STRADA: variants seen among roughly 807,000 people sequenced by gnomAD.
STRADA encodes the protein STE20 related adaptor alpha, also known as STE20-related kinase adapter protein alpha.
Under a neutral mutation model 55.0 loss-of-function variants are expected in STRADA, and 26 were observed. The ratio of observed to expected loss-of-function variants is 0.47; its 90% CI spans 0.35 to 0.66. The LOEUF (loss-of-function observed/expected upper bound fraction) is 0.66, where lower values mean the gene tolerates loss of function less well. Among genes scored for constraint, STRADA ranks in the 30% least tolerant of loss-of-function variants. STRADA has a pLI of 0.01. For missense variants in STRADA, 443 were observed against 549.7 expected (o/e 0.81, Z 1.94); for synonymous variants, 197 against 210.9 (o/e 0.93, Z 0.57).
At chr17:63,720,968 T>C (rs2144051521) in intron 4 of STRADA, among the ~76,000 whole-genome samples, 1 of 151,088 alleles carries the variant, frequency 6.6e-6, no homozygotes, top group East Asian at 2.0e-4. Flanking sequence ...TGGTGGCACA[T>C]GTCTGTAATC....
At position 63,726,453 on chromosome 17, in the gene STRADA, G is replaced by A. The variant is rs1254348018; in HGVS notation, c.94+185C>T. The A allele has an allele frequency of 5.4e-6, 3 of 553,006 alleles. No homozygotes were observed. In the East Asian group the frequency reaches 9.2e-5, roughly 17 times the overall value. 34.3% of individuals were successfully genotyped at this position (553,006 alleles called of 1,614,324 possible). Reference sequence around the variant, plus strand: ...TTTCTAACAATCAAGACAGGCCAAGGAAAATTGCCATGTTAGTCTTCAAAT... The same window carrying A: ...TTTCTAACAATCAAGACAGGCCAAGAAAAATTGCCATGTTAGTCTTCAAAT... On this transcript the variant is annotated intron_variant, in intron 3 of 12. Coordinates refer to ENST00000336174, the MANE Select transcript of STRADA (RefSeq NM_001003787.4).
At chr17:63,717,338 C>T (rs1773702803) in intron 4 of STRADA, among the ~76,000 whole-genome samples, 1 of 152,188 alleles carries the variant, frequency 6.6e-6, no homozygotes, top group Non-Finnish European at 1.5e-5. Context: ...GACGGAGTCT[C>T]ACTTTGTCAC....
intron 11 of STRADA, 64 bp downstream of exon 11, chr17:63,704,277 C>CTGGCCTTACCCTCCTG: frequency 6.3e-7 from 1 of 1,596,428 alleles, no homozygotes; most frequent in South Asian, 1.1e-5. Flanking sequence ...CCTTCACACC[C>CTGGCCTTACCCTCCTG]TGGCCTTACC....
At chr17:63,740,589 G>A (rs896984669) in intron 1 of STRADA, among the ~76,000 whole-genome samples, 2 of 152,082 alleles carry the variant, frequency 1.3e-5, no homozygotes, top group Admixed American at 6.6e-5. Context: ...TACGTGTCAG[G>A]CACTGTGCTA....
intron 10 of STRADA, chr17:63,705,241 G>A (rs769719819): frequency 5.0e-6 from 2 of 403,216 alleles, no homozygotes; most frequent in East Asian, 4.3e-5. Context: ...TGGCTATTTC[G>A]ATTTAAATGA....
chr17:63,741,103 CAGG>C (rs2038908416), intron 1 of STRADA: 1 of 145,128 alleles, frequency 6.9e-6, no homozygotes, highest in South Asian at 2.5e-4. Context: ...TGTTAGGATA[CAGG>C]AGAAGGCTGG....
In STRADA at chr17:63,713,996, CT is replaced by C. The variant is rs760418544; in HGVS notation, c.226+9del. ...GAAAGCAGGAGAGTAAGGACGGCCC[CT>C]GCACATACCTATCACAGTGAGCAGC... On this transcript the variant is annotated intron_variant, in intron 5 of 12. Coordinates refer to ENST00000336174, the MANE Select transcript of STRADA (RefSeq NM_001003787.4). 1 of 1,611,866 alleles carries C rather than the reference CT, an allele frequency of 6.2e-7. No homozygotes were observed. The highest frequency in any genetic ancestry group is 8.5e-7 in the Non-Finnish European group (1 of 1,178,044).
intron 6 of STRADA, 28 bp downstream of exon 6, chr17:63,713,378 T>A: frequency 6.2e-7 from 1 of 1,608,962 alleles, no homozygotes; most frequent in South Asian, 1.1e-5. Context: ...CCACCCTCCC[T>A]CCATGTGACA....
rs766039153 is a variant in STRADA at position 63,704,388 on chromosome 17, G to A, written c.1053C>T (p.His351=). Residue 351 remains histidine (H), a synonymous_variant, in exon 11 of 13, where the codon CAC becomes CAT. Coordinates refer to ENST00000336174, the MANE Select transcript of STRADA (RefSeq NM_001003787.4). ...GGCACTGCTCCACAAAGTGGTGGAA[G>A]TGGGGGGAGAAGGTTCGGTGGTAGG... The part of the protein sequence containing the change: ...SHPYHRTFSP[H]FHHFVEQCLQ... The A allele has an allele frequency of 1.2e-6, 2 of 1,612,774 alleles. No homozygotes were observed. The highest frequency in any genetic ancestry group is 1.3e-5 in the African/African-American group (1 of 74,902).
At chr17:63,733,937 C>T (rs558397505) in intron 1 of STRADA, among the ~76,000 whole-genome samples, 1 of 152,336 alleles carries the variant, frequency 6.6e-6, no homozygotes, top group South Asian at 2.1e-4. Flanking sequence ...TTCCCCCAGA[C>T]TTCACCCCAT....
chr17:63,740,107 T>TATATATATATATATACATAC (rs1309095081), intron 1 of STRADA, among the ~76,000 whole-genome samples: 2 of 49,648 alleles, frequency 4.0e-5, no homozygotes, highest in African/African-American at 1.9e-4. Flanking sequence ...TATATATATA[T>TATATATATATATATACATAC]ACATACATAC....
chr17:63,717,752 C>T (rs1297384425), intron 4 of STRADA, among the ~76,000 whole-genome samples: 3 of 151,850 alleles, frequency 2.0e-5, no homozygotes, highest in Admixed American at 6.6e-5. Flanking sequence ...GCTGGGATTA[C>T]AGGTGTGAGC....
intron 6 of STRADA, 89 bp downstream of exon 6, chr17:63,713,317 T>A: frequency 6.5e-7 from 1 of 1,536,042 alleles, no homozygotes; most frequent in South Asian, 1.3e-5. Flanking sequence ...GAACGTTTAG[T>A]CTCCCTTCAT....
chr17:63,707,446 G>A (rs764984981), intron 8 of STRADA, 28 bp from the exon 9 acceptor site: 12 of 1,606,574 alleles, frequency 7.5e-6, no homozygotes, highest in Admixed American at 1.7e-5. Flanking sequence ...GTGTCATGTC[G>A]AGAGCAGGAG....
In STRADA at chr17:63,714,103, A is replaced by G; in HGVS notation, c.129T>C (p.Asn43=). Residue 43 remains asparagine (N), a synonymous_variant, in exon 5 of 13, where the codon AAT becomes AAC. Transcript: ENST00000336174. ...QPPGDTRRKT[N]DASSESIASF... Reference sequence around the variant, plus strand: ...ATGCTATTGACTCTGAGCTCGCATCATTGGTCTAAAAAAGAAAAAGAAAAA... The same window carrying G: ...ATGCTATTGACTCTGAGCTCGCATCGTTGGTCTAAAAAAGAAAAAGAAAAA... 6.3e-7 allele frequency: 1 copy of G among 1,595,504 alleles called. No individual in the cohort carries two copies. Among genetic ancestry groups the G allele is most frequent in the Non-Finnish European group, 8.6e-7 (1 of 1,168,284 alleles).
At chr17:63,704,204 C>A in intron 11 of STRADA, 137 bp downstream of exon 11, 1 of 1,526,658 alleles carries the variant, frequency 6.6e-7, no homozygotes, top group Non-Finnish European at 8.8e-7. Flanking sequence ...CTGACACACC[C>A]AGGAGCTGAT....
intron 1 of STRADA, among the ~76,000 whole-genome samples, chr17:63,730,697 T>C (rs1278957334): frequency 1.3e-5 from 2 of 151,860 alleles, no homozygotes; most frequent in Non-Finnish European, 2.9e-5. Context: ...ACTGGGACTA[T>C]AGGTACGCGC....
chr17:63,705,812 G>T (rs2036050008), intron 10 of STRADA: 1 of 152,338 alleles, frequency 6.6e-6, no homozygotes, highest in African/African-American at 2.4e-5. Flanking sequence ...GCCGAGAAGA[G>T]TGTCCTAGTT....
chr17:63,713,454 C>A lies in STRADA; in HGVS notation c.300G>T (p.Arg100=). 1.2e-6 allele frequency: 2 copies of A among 1,614,200 alleles called. No individual in the cohort carries two copies. The highest frequency in any genetic ancestry group is 1.7e-6 in the Non-Finnish European group (2 of 1,180,032). ...TGGAACAAGCTTCTAGGTTAATCCT[C>A]CGTACAGTCACGTACTCTCCTGTTG... The part of the protein sequence containing the change: ...YKPTGEYVTV[R]RINLEACSNE... Residue 100 remains arginine (R), a synonymous_variant, in exon 6 of 13, where the codon CGG becomes CGT. Transcript: ENST00000336174.
Sources: allele counts gnomAD v4.1 joint callset (sites outside exome capture counted in the v4.1 genomes callset), GRCh38; gene constraint gnomAD v4.1.1; transcripts MANE v1.5; gene names NCBI Gene and HGNC (gene_info 2026-07-23, HGNC 2026-07-21).